PCDH9: variants seen among roughly 807,000 people sequenced by gnomAD.
PCDH9 encodes protocadherin-9.
PCDH9 carries 24 observed loss-of-function variants against 70.6 expected under a neutral mutation model. The observed-to-expected ratio is 0.34, with a 90% confidence interval of 0.25 to 0.48. PCDH9 has a LOEUF of 0.48. Among genes scored for constraint, PCDH9 ranks in the 20% least tolerant of loss-of-function variants. The pLI, the probability that PCDH9 is intolerant of heterozygous loss-of-function variation, is 0.99. For missense variants in PCDH9, 1,281 were observed against 1,503.6 expected, an observed-to-expected ratio of 0.85 and a Z score of 2.45; for synonymous variants, 562 against 558.5, an observed-to-expected ratio of 1.01 and a Z score of -0.09.
intron 2 of PCDH9, among the ~76,000 whole-genome samples, chr13:67,085,492 A>G (rs1455895638): frequency 1.3e-5 from 2 of 152,328 alleles, no homozygotes; most frequent in East Asian, 3.9e-4. Context: ...ATTCATTTTC[A>G]TCACTTATAA....
rs774320823 is a variant in PCDH9, at chr13:67,225,601, G to C, written c.2840C>G (p.Ala947Gly). The C allele has an allele frequency of 9.3e-6, 15 of 1,614,166 alleles. No homozygotes were observed. Among genetic ancestry groups the C allele is most frequent in the Non-Finnish European group, 1.2e-5 (14 of 1,180,012 alleles). Residue 947 changes from alanine (A) to glycine (G), a missense_variant, in exon 2 of 5, where the codon GCT becomes GGT. Coordinates refer to ENST00000377865, the MANE Select transcript of PCDH9 (RefSeq NM_203487.3). ...KHYKSASPQP[A>G]FHLKPDTPVS... ...TGGAGTGTCTGGTTTGAGATGAAAA[G>C]CAGGCTGTGGAGAAGCAGATTTGTA...
chr13:66,896,453 A>G (rs1454056237), intron 3 of PCDH9, among the ~76,000 whole-genome samples: 1 of 152,144 alleles, frequency 6.6e-6, no homozygotes, highest in African/African-American at 2.4e-5. Context: ...AATTTAAAAA[A>G]TAATAATAAG....
At chr13:66,835,912 C>T (rs2139418427) in intron 3 of PCDH9, among the ~76,000 whole-genome samples, 1 of 152,072 alleles carries the variant, frequency 6.6e-6, no homozygotes, top group South Asian at 2.1e-4. Flanking sequence ...AAATATGACC[C>T]TAGACACTTA....
intron 4 of PCDH9, among the ~76,000 whole-genome samples, chr13:66,470,815 C>T (rs1958604737): frequency 6.6e-6 from 1 of 151,448 alleles, no homozygotes; most frequent in Admixed American, 6.6e-5. Flanking sequence ...CCTAATCTTG[C>T]TGAGCTAACT....
intron 2 of PCDH9, among the ~76,000 whole-genome samples, chr13:67,160,158 C>G (rs2087916881): frequency 6.6e-6 from 1 of 152,194 alleles, no homozygotes; most frequent in Non-Finnish European, 1.5e-5. Flanking sequence ...TCATCTACAA[C>G]AACAGCAAAA....
intron 4 of PCDH9, among the ~76,000 whole-genome samples, chr13:66,374,087 G>A (rs1033142908): frequency 3.3e-5 from 5 of 152,044 alleles, no homozygotes; most frequent in African/African-American, 1.2e-4. Context: ...TCAAAGGTGG[G>A]CAAATGCCAT....
intron 3 of PCDH9, among the ~76,000 whole-genome samples, chr13:66,794,879 A>C (rs1426249652): frequency 1.3e-5 from 2 of 151,896 alleles, no homozygotes; most frequent in East Asian, 3.9e-4. Flanking sequence ...ATCTTTAATA[A>C]ATAAAGTTAA....
chr13:67,225,114 T>C, intron 2 of PCDH9: 1 of 1,284,258 alleles, frequency 7.8e-7, no homozygotes. Context: ...ACAGGTTTTT[T>C]CTTCTTCAGC....
At chr13:66,963,174 A>C (rs957090142) in intron 2 of PCDH9, among the ~76,000 whole-genome samples, 1 of 152,182 alleles carries the variant, frequency 6.6e-6, no homozygotes, top group African/African-American at 2.4e-5. Flanking sequence ...AGCAGCTGTA[A>C]GTACAGATGA....
At chr13:66,703,352 G>A (rs759023847) in intron 3 of PCDH9, among the ~76,000 whole-genome samples, 33 of 152,064 alleles carry the variant, frequency 2.2e-4, no homozygotes, top group Admixed American at 1.2e-3. Context: ...CTGCATTTAC[G>A]TAATGGATTA....
chr13:66,309,913 A>G (rs1343743137), intron 4 of PCDH9, among the ~76,000 whole-genome samples: 1 of 151,890 alleles, frequency 6.6e-6, no homozygotes, highest in Non-Finnish European at 1.5e-5. Flanking sequence ...ATCATAAAAT[A>G]TATGTGTAGA....
intron 2 of PCDH9, among the ~76,000 whole-genome samples, chr13:66,936,460 T>A (rs1407685882): frequency 1.3e-5 from 2 of 152,178 alleles, no homozygotes; most frequent in Non-Finnish European, 2.9e-5. Context: ...ATTTCTTCCA[T>A]TGCTGGAAGA....
rs1418095655 is a variant in PCDH9, at chr13:67,227,990, T to G, written c.451A>C (p.Ile151Leu). Residue 151 changes from isoleucine to leucine, a missense_variant, in exon 2 of 5, where the codon ATT becomes CTT. Physicochemically the swap from Ile to Leu is conservative, Grantham distance 5. Around this residue, in one of 4 missense-constraint regions of PCDH9, gnomAD observed 798 missense variants for 1,003.1 expected, o/e 0.80. Transcript: ENST00000377865. The surrounding 1 kb of genome is among the most constrained non-coding windows in gnomAD (Gnocchi z 4.6). ...CTGTTGATCAAAGTGTTTTCTGGAA[T>G]GGAAATATTGATGACAGGAGATGGA... Reference protein sequence around the residue: ...MFPSPVINISIPENTLINSRF... With the variant: ...MFPSPVINISLPENTLINSRF... The G allele has an allele frequency of 6.2e-7, 1 of 1,614,152 alleles. No homozygotes were observed. Among genetic ancestry groups the G allele is most frequent in the Non-Finnish European group, 8.5e-7 (1 of 1,180,014 alleles).
intron 3 of PCDH9, among the ~76,000 whole-genome samples, chr13:66,785,066 T>G (rs1862549316): frequency 6.6e-6 from 1 of 152,148 alleles, no homozygotes; most frequent in African/African-American, 2.4e-5. Flanking sequence ...ATTTCTTTCT[T>G]AAAAAATTAG....
At chr13:66,809,773 G>A (rs569001035) in intron 3 of PCDH9, among the ~76,000 whole-genome samples, 2 of 101,780 alleles carry the variant, frequency 2.0e-5, no homozygotes, top group East Asian at 6.3e-4. Context: ...AATAGCTTTA[G>A]TACTTGGCAA....
At position 67,197,184 on chromosome 13, in the gene PCDH9, G is replaced by T. The variant is rs372714311; in HGVS notation, c.3036+28221C>A. ...ACATTCTGTTTGGCTAGCTCTATCT[G>T]GCTGCATATTTGCACGTCTGGTAAT... On this transcript the variant is annotated intron_variant, in intron 2 of 4. Coordinates refer to ENST00000377865, the MANE Select transcript of PCDH9 (RefSeq NM_203487.3). Among the ~76,000 whole-genome samples, 27 of 151,888 alleles carry T rather than the reference G, an allele frequency of 1.8e-4. 1 individual carries two copies. The highest frequency in any genetic ancestry group is 7.7e-4 in the East Asian group (4 of 5,190).
intron 2 of PCDH9, among the ~76,000 whole-genome samples, chr13:67,120,866 A>G (rs772505308): frequency 6.6e-6 from 1 of 152,044 alleles, no homozygotes; most frequent in Non-Finnish European, 1.5e-5. Flanking sequence ...AAGAGCCAGT[A>G]TATGTTTTTA....
chr13:66,425,184 G>A (rs989080015), intron 4 of PCDH9, among the ~76,000 whole-genome samples: 5 of 151,750 alleles, frequency 3.3e-5, no homozygotes, highest in African/African-American at 1.2e-4. Context: ...ATATTCCACT[G>A]TCAAACAAAT....
Position 67,225,746 on chromosome 13 carries a change from G to T in PCDH9, c.2695C>A (p.Pro899Thr). Residue 899 changes from proline to threonine, a missense_variant, in exon 2 of 5, where the codon CCT becomes ACT. By Grantham distance (38) the Pro-to-Thr change is conservative. Around this residue, in one of 4 missense-constraint regions of PCDH9, gnomAD observed 207 missense variants for 191.8 expected, o/e 1.08. Transcript: ENST00000377865. ...ESKPDDAVHE[P>T]INGTISLPAE... is the part of the protein sequence containing the mutation. ...GGCAGGCTTATTGTCCCATTGATAG[G>T]TTCATGAACTGCATCATCGGGTTTG... 6.2e-7 allele frequency: 1 copy of T among 1,614,050 alleles called. No homozygotes were observed. Among genetic ancestry groups the T allele is most frequent in the Non-Finnish European group, 8.5e-7 (1 of 1,179,914 alleles).
Sources: allele counts gnomAD v4.1 joint callset (sites outside exome capture counted in the v4.1 genomes callset), GRCh38; gene constraint gnomAD v4.1.1; regional missense constraint gnomAD v4.1.1; non-coding constraint Gnocchi (gnomAD v3.1); transcripts MANE v1.5; gene names NCBI Gene and HGNC (gene_info 2026-07-23, HGNC 2026-07-21).